Variants in ESYT2 observed in about 807,000 individuals in gnomAD.
The protein encoded by ESYT2 is extended synaptotagmin-2.
Under a neutral mutation model 107.2 loss-of-function variants are expected in ESYT2, and 54 were observed. The observed-to-expected ratio is 0.50, with a 90% CI of 0.40 to 0.63. The LOEUF (loss-of-function observed/expected upper bound fraction) is 0.63, where lower values mean the gene tolerates loss of function less well. Among genes scored for constraint, ESYT2 ranks in the 30% least tolerant of loss-of-function variants. The pLI is 0.00. For synonymous variants in ESYT2, 491 were observed against 434.1 expected, an observed-to-expected ratio of 1.13 and a Z score of -1.63; for missense variants, 1,020 against 1,094.5, an observed-to-expected ratio of 0.93 and a Z score of 0.96.
Position 158,797,833 on chromosome 7 carries a change from A to G in ESYT2, c.507+109T>C, listed in dbSNP as rs1839511110. 45 of 1,424,526 alleles carry G rather than the reference A, an allele frequency of 3.2e-5. 2 individuals carry two copies. The South Asian group carries it at 4.6e-4, about 14-fold the overall frequency. 88.2% of individuals were successfully genotyped at this position (1,424,526 alleles called of 1,614,324 possible). ...AGTGCCACTGCACTCCAGCCTGGGC[A>G]ACAGAGCGAGACTCCGTCTCAAGAA... is the stretch of plus-strand genomic sequence containing the variant. On this transcript the variant is annotated intron_variant, in intron 3 of 22. Coordinates refer to ENST00000275418, the MANE Select transcript of ESYT2 (RefSeq NM_001367773.1).
chr7:158,736,096 T>A (rs1418913011), intron 20 of ESYT2, among the ~76,000 whole-genome samples: 1 of 152,232 alleles, frequency 6.6e-6, no homozygotes, highest in South Asian at 2.1e-4. Flanking sequence ...AGCCAGACGC[T>A]GCACTAAAGT....
At chr7:158,765,317 A>G (rs1838119483) in intron 8 of ESYT2, among the ~76,000 whole-genome samples, 3 of 152,236 alleles carry the variant, frequency 2.0e-5, no homozygotes, top group African/African-American at 7.2e-5. Context: ...CCTGTCACGA[A>G]GCATTAGACA....
In ESYT2 at chr7:158,741,709, A is replaced by G. The variant is rs1305396062; in HGVS notation, c.1982T>C (p.Met661Thr). Residue 661 changes from methionine (M) to threonine (T), a missense_variant, in exon 18 of 23, where the codon ATG becomes ACG. By Grantham distance (81) the Met-to-Thr change is moderately conservative. Coordinates refer to ENST00000275418, the MANE Select transcript of ESYT2 (RefSeq NM_001367773.1). ...CTCAGGGGGCTGGGCCTTTTCTTCC[A>G]TACCAGGCTTATCACTGCCCCCAAT... ...PVIGGSDKPG[M>T]EEKAQPPEAG... 1.9e-6 allele frequency: 3 copies of G among 1,614,060 alleles called. No homozygotes were observed. The highest frequency in any genetic ancestry group is 2.5e-6 in the Non-Finnish European group (3 of 1,180,006).
chr7:158,746,158 A>G (rs920039884), intron 16 of ESYT2, among the ~76,000 whole-genome samples: 3 of 152,078 alleles, frequency 2.0e-5, no homozygotes, highest in African/African-American at 7.2e-5. Context: ...AGGTGGATAG[A>G]TGGCTTGAGC....
rs577126490 is a variant in ESYT2 at position 158,790,695 on chromosome 7, G to A, written c.585-2278C>T. On this transcript the variant is annotated intron_variant, in intron 4 of 22. Coordinates refer to ENST00000275418, the MANE Select transcript of ESYT2 (RefSeq NM_001367773.1). ...TAATCCTAGCACTTTGGGAGGCCGA[G>A]GCAGGCGGATCACTTGAGGTCAGGA... Among the ~76,000 whole-genome samples, 9 of 152,310 alleles carry A rather than the reference G, an allele frequency of 5.9e-5. No individual in the cohort carries two copies. In the South Asian group the frequency reaches 1.7e-3, roughly 28 times the overall value.
At chr7:158,747,890 T>A (rs1329095513) in intron 16 of ESYT2, among the ~76,000 whole-genome samples, 11 of 152,224 alleles carry the variant, frequency 7.2e-5, no homozygotes, top group African/African-American at 2.7e-4. Context: ...ACTGTGGGTA[T>A]CTGCAACAAC....
At chr7:158,779,060 C>T (rs1838677149) in intron 6 of ESYT2, among the ~76,000 whole-genome samples, 2 of 152,130 alleles carry the variant, frequency 1.3e-5, no homozygotes, top group African/African-American at 4.8e-5. Context: ...GCAAGTAAAA[C>T]CTCCATAAAT....
intron 9 of ESYT2, among the ~76,000 whole-genome samples, chr7:158,763,443 T>C (rs842440): frequency 0.94 from 142,142 of 151,178 alleles, 66,871 homozygotes; most frequent in Middle Eastern, 0.96. Flanking sequence ...TACAGGCATG[T>C]GCCACCATGC....
intron 1 of ESYT2, among the ~76,000 whole-genome samples, chr7:158,808,000 C>A (rs1839883661): frequency 6.6e-6 from 1 of 152,164 alleles, no homozygotes; most frequent in Non-Finnish European, 1.5e-5. Flanking sequence ...AGAGAGCAGG[C>A]CCCACAGCTC....
intron 8 of ESYT2, among the ~76,000 whole-genome samples, chr7:158,766,535 C>A (rs1838171155): frequency 6.6e-6 from 1 of 152,156 alleles, no homozygotes; most frequent in Non-Finnish European, 1.5e-5. Flanking sequence ...AGCGATATAA[C>A]CAATTTGAGC....
intron 13 of ESYT2, among the ~76,000 whole-genome samples, chr7:158,756,627 G>A (rs911578467): frequency 6.6e-6 from 1 of 152,074 alleles, no homozygotes; most frequent in Admixed American, 6.6e-5. Context: ...AGGGATAATA[G>A]GCCGGGCATG....
At position 158,829,290 on chromosome 7, in the gene ESYT2, G is replaced by C; in HGVS notation, c.129C>G (p.Ser43Arg). 3.3e-6 allele frequency: 5 copies of C among 1,511,622 alleles called. No homozygotes were observed. Among genetic ancestry groups the C allele is most frequent in the Non-Finnish European group, 4.4e-6 (5 of 1,138,738 alleles). The allele number at this position is 1,511,622 out of a possible 1,614,324, so 93.6% of individuals were successfully genotyped here. The change falls in exon 1 of 23, where the codon AGC becomes AGG. Residue 43 changes from serine (S) to arginine (R), a missense_variant. Transcript: ENST00000275418. ...CGTACACGGGCAGCAGCAGCGCGAA[G>C]CTCCGCGCCAGCTGCGCCAGCAGCC... ...LPGLLAQLAR[S>R]FALLLPVYAL...
intron 6 of ESYT2, among the ~76,000 whole-genome samples, chr7:158,783,274 T>G (rs927115784): frequency 1.3e-5 from 2 of 152,038 alleles, no homozygotes; most frequent in African/African-American, 4.8e-5. Flanking sequence ...ATGCCCCTCT[T>G]CTCTCTACGT....
chr7:158,828,449 C>T (rs1473329694), intron 1 of ESYT2, among the ~76,000 whole-genome samples: 2 of 152,184 alleles, frequency 1.3e-5, no homozygotes, highest in Non-Finnish European at 2.9e-5. Flanking sequence ...GCGCTCCGGG[C>T]AGGGCCGCGG....
At chr7:158,814,936 CA>C (rs398095526) in intron 1 of ESYT2, among the ~76,000 whole-genome samples, 1 of 148,056 alleles carries the variant, frequency 6.8e-6, no homozygotes, top group East Asian at 2.8e-4. Flanking sequence ...CTACTGCCAT[CA>C]AGAGAGAGGA....
At chr7:158,801,814 G>A (rs981921753) in intron 1 of ESYT2, among the ~76,000 whole-genome samples, 2 of 125,528 alleles carry the variant, frequency 1.6e-5, no homozygotes, top group Non-Finnish European at 3.3e-5. Context: ...GAACAAAGGC[G>A]TATTTTAGAT....
intron 1 of ESYT2, among the ~76,000 whole-genome samples, chr7:158,807,501 A>T (rs1563033857): frequency 6.6e-6 from 1 of 152,198 alleles, no homozygotes; most frequent in Non-Finnish European, 1.5e-5. Flanking sequence ...ATTTATTTGT[A>T]CACAATGAAG....
intron 13 of ESYT2, among the ~76,000 whole-genome samples, chr7:158,753,696 G>A (rs1693901851): frequency 6.7e-6 from 1 of 148,682 alleles, no homozygotes; most frequent in African/African-American, 2.5e-5. Context: ...GGCTGGGCCA[G>A]GAGAGAAGAT....
intron 13 of ESYT2, among the ~76,000 whole-genome samples, chr7:158,757,518 G>A (rs1333003505): frequency 6.9e-6 from 1 of 144,888 alleles, no homozygotes; most frequent in Admixed American, 7.0e-5. Flanking sequence ...GACAGTGAGA[G>A]GCAGAGCCAA....
Sources: allele counts gnomAD v4.1 joint callset (sites outside exome capture counted in the v4.1 genomes callset), GRCh38; gene constraint gnomAD v4.1.1; transcripts MANE v1.5; gene names NCBI Gene and HGNC (gene_info 2026-07-23, HGNC 2026-07-21).